Variants in KCNQ5 observed in about 807,000 individuals in gnomAD.
KCNQ5 encodes potassium voltage-gated channel subfamily Q member 5.
Under a neutral mutation model 98.2 loss-of-function variants are expected in KCNQ5, and 30 were observed. The ratio of observed to expected loss-of-function variants is 0.31; its 90% CI spans 0.23 to 0.41. The LOEUF (loss-of-function observed/expected upper bound fraction) is 0.41, where lower values mean the gene tolerates loss of function less well. Ranked by LOEUF, KCNQ5 falls within the 10% of genes least tolerant of loss-of-function variation. The pLI, the probability that KCNQ5 is intolerant of heterozygous loss-of-function variation, is 1.00. For missense variants in KCNQ5, 835 were observed against 1,182.5 expected (o/e 0.71, Z 4.31); for synonymous variants, 458 against 449.4 (o/e 1.02, Z -0.24).
At chr6:73,003,004 T>C (rs1769654685) in intron 1 of KCNQ5, among the ~76,000 whole-genome samples, 1 of 152,134 alleles carries the variant, frequency 6.6e-6, no homozygotes, top group Non-Finnish European at 1.5e-5. Flanking sequence ...CAGCTTACTA[T>C]ATGAATTTCC....
At chr6:72,766,452 GA>G (rs1366567246) in intron 1 of KCNQ5, among the ~76,000 whole-genome samples, 1 of 151,868 alleles carries the variant, frequency 6.6e-6, no homozygotes, top group Non-Finnish European at 1.5e-5. Flanking sequence ...GCTACTGTGG[GA>G]AAAAAAGATA....
In KCNQ5 at chr6:72,912,731, G is replaced by A. The variant is rs143954134; in HGVS notation, c.399-91177G>A. On this transcript the variant is annotated intron_variant, in intron 1 of 13. Coordinates refer to ENST00000370398, the MANE Select transcript of KCNQ5 (RefSeq NM_019842.4). Reference sequence around the variant, plus strand: ...AAAGGAATGAATCTTCATGACCGTTGTATCAAATAAAAAAGTTCTCCAATG... The same window carrying A: ...AAAGGAATGAATCTTCATGACCGTTATATCAAATAAAAAAGTTCTCCAATG... Among the ~76,000 whole-genome samples the A allele has an allele frequency of 6.7e-3, 1,027 of 152,196 alleles. 9 individuals carry two copies. The highest frequency in any genetic ancestry group is 0.021 in the African/African-American group (883 of 41,526).
At chr6:73,128,634 T>A (rs562836034) in intron 9 of KCNQ5, among the ~76,000 whole-genome samples, 1 of 152,376 alleles carries the variant, frequency 6.6e-6, no homozygotes, top group South Asian at 2.1e-4. Flanking sequence ...AGATTATCTA[T>A]ACATCTTGCT....
chr6:73,012,727 T>G (rs898227964), intron 2 of KCNQ5, among the ~76,000 whole-genome samples: 2 of 152,014 alleles, frequency 1.3e-5, no homozygotes, highest in Admixed American at 6.6e-5. Context: ...GCTTAATACC[T>G]AAGTGATGGG....
At chr6:73,149,793 A>G (rs1428354534) in intron 10 of KCNQ5, among the ~76,000 whole-genome samples, 106 of 116,114 alleles carry the variant, frequency 9.1e-4, no homozygotes, top group African/African-American at 5.2e-3. Context: ...GGAGACTCCG[A>G]AAAAAAAAAA....
In KCNQ5 at chr6:72,992,793, G is replaced by T. The variant is rs1389065386; in HGVS notation, c.399-11115G>T. On this transcript the variant is annotated intron_variant, in intron 1 of 13. Transcript: ENST00000370398. The stretch of plus-strand genomic sequence containing the variant: ...ATTTTGGCATGATTTTGCAGCGGCT[G>T]GTACCGGTTGTTCCTTTCCATGTTT... Among the ~76,000 whole-genome samples, 2 of 109,730 alleles carry T rather than the reference G, an allele frequency of 1.8e-5. 1 individual carries two copies. Among genetic ancestry groups the T allele is most frequent in the Non-Finnish European group, 3.5e-5 (2 of 57,150 alleles). The allele number at this position is 109,730 out of a possible 152,430, so 72.0% of individuals were successfully genotyped here.
chr6:72,658,740 C>A (rs138117553), intron 1 of KCNQ5, among the ~76,000 whole-genome samples: 1 of 151,654 alleles, frequency 6.6e-6, no homozygotes, highest in African/African-American at 2.4e-5. Flanking sequence ...GCCACCATGC[C>A]CGGTAACTTT....
At chr6:72,730,839 GA>G (rs11304697) in intron 1 of KCNQ5, among the ~76,000 whole-genome samples, 53,829 of 146,512 alleles carry the variant, frequency 0.37, 13,141 homozygotes, top group African/African-American at 0.67. Context: ...TTTGTTCTGA[GA>G]AAAAAAAAAA....
In KCNQ5 at chr6:73,196,541, T is replaced by C. The variant is rs1042527853; in HGVS notation, c.*1127T>C. ...ACTACCTAATCTTCCCTTATTCTTA[T>C]ATATAAGCAGAGAATTTTTGCAAGG... On this transcript the variant is annotated 3_prime_UTR_variant, in exon 14 of 14. Coordinates refer to ENST00000370398, the MANE Select transcript of KCNQ5 (RefSeq NM_019842.4). 3 of 152,238 alleles carry C rather than the reference T, an allele frequency of 2.0e-5. No homozygotes were observed. Among genetic ancestry groups the C allele is most frequent in the African/African-American group, 4.8e-5 (2 of 41,458 alleles). 9.4% of individuals were successfully genotyped at this position (152,238 alleles called of 1,614,324 possible). A position where few individuals can be genotyped will look rare whatever the true frequency, so the allele number is the denominator to read the frequency against.
At chr6:72,691,575 A>G (rs1216771097) in intron 1 of KCNQ5, among the ~76,000 whole-genome samples, 2 of 152,224 alleles carry the variant, frequency 1.3e-5, no homozygotes, top group Non-Finnish European at 2.9e-5. Context: ...TAAATTGTAG[A>G]GAAGAAAGTT....
At chr6:72,812,661 T>C (rs1302586468) in intron 1 of KCNQ5, among the ~76,000 whole-genome samples, 1 of 152,214 alleles carries the variant, frequency 6.6e-6, no homozygotes, top group Non-Finnish European at 1.5e-5. Context: ...GAGAGGCTTA[T>C]TAACTTTGTG....
intron 1 of KCNQ5, among the ~76,000 whole-genome samples, chr6:72,727,306 A>G (rs1181431793): frequency 6.6e-6 from 1 of 152,208 alleles, no homozygotes; most frequent in Admixed American, 6.5e-5. Context: ...TTTATGAGGA[A>G]GTTAAAAATG....
intron 9 of KCNQ5, chr6:73,124,732 G>A (rs1775879799): frequency 3.5e-6 from 2 of 569,590 alleles, no homozygotes; most frequent in African/African-American, 3.8e-5. Context: ...AAAATCTGCA[G>A]GGCATGGAAC....
At chr6:72,762,338 G>A (rs2154477076) in intron 1 of KCNQ5, among the ~76,000 whole-genome samples, 1 of 152,020 alleles carries the variant, frequency 6.6e-6, no homozygotes, top group South Asian at 2.1e-4. Context: ...AGTGTAAAAA[G>A]CGTAGGTTTG....
chr6:72,840,043 CTGTGTTTTTA>C (rs966903476), intron 1 of KCNQ5, among the ~76,000 whole-genome samples: 1 of 152,180 alleles, frequency 6.6e-6, no homozygotes, highest in Non-Finnish European at 1.5e-5. Flanking sequence ...CCAATCTACT[CTGTGTTTTTA>C]TGAGTTTGAC....
At chr6:72,728,190 A>G (rs1258275149) in intron 1 of KCNQ5, among the ~76,000 whole-genome samples, 1 of 152,200 alleles carries the variant, frequency 6.6e-6, no homozygotes, top group Non-Finnish European at 1.5e-5. Flanking sequence ...AATGCAATAT[A>G]CCATGTTCCA....
rs556817594 is a variant in KCNQ5 at position 72,956,679 on chromosome 6, T to C, written c.399-47229T>C. On this transcript the variant is annotated intron_variant, in intron 1 of 13. Transcript: ENST00000370398. ...CCTCCACCTCCCAAAATGTTGAGAT[T>C]ACAGACATGAGCTGCTGTACCCAGC... 4.6e-5 allele frequency among the ~76,000 whole-genome samples: 7 copies of C among 152,050 alleles called. No individual in the cohort carries two copies. The South Asian group carries it at 1.5e-3, about 32-fold the overall frequency.
intron 1 of KCNQ5, among the ~76,000 whole-genome samples, chr6:72,975,949 A>G (rs1768142467): frequency 6.6e-6 from 1 of 152,196 alleles, no homozygotes; most frequent in African/African-American, 2.4e-5. Flanking sequence ...AGCCTTTCCA[A>G]GTTTTTTAAA....
At chr6:72,713,954 T>C (rs1002636793) in intron 1 of KCNQ5, among the ~76,000 whole-genome samples, 1 of 152,224 alleles carries the variant, frequency 6.6e-6, no homozygotes, top group Non-Finnish European at 1.5e-5. Flanking sequence ...TCCGGAGTTA[T>C]GCCTTTTTCA....
Sources: gnomAD v4.1 joint callset for allele counts (sites outside exome capture counted in the v4.1 genomes callset) on GRCh38, gnomAD v4.1.1 for gene constraint, MANE v1.5 for transcripts, NCBI Gene and HGNC (gene_info 2026-07-23, HGNC 2026-07-21) for gene names.